Variants in ITGA1 observed in about 807,000 individuals in gnomAD.
ITGA1 encodes the protein integrin alpha-1.
In ITGA1, 85 loss-of-function variants were observed where a neutral mutation model predicts 145.9. That is an observed-to-expected ratio of 0.58 (90% CI 0.49 to 0.70). The LOEUF is 0.70. Ranked by LOEUF, ITGA1 falls within the 30% of genes least tolerant of loss-of-function variation. The pLI is 0.00. For synonymous variants in ITGA1, 520 were observed against 495.3 expected (o/e 1.05, Z -0.66); for missense variants, 1,351 against 1,418.7 (o/e 0.95, Z 0.77).
intron 11 of ITGA1, 27 bp from the exon 12 acceptor site, chr5:52,905,736 G>C: frequency 6.3e-7 from 1 of 1,595,958 alleles, no homozygotes; most frequent in Non-Finnish European, 8.6e-7. Flanking sequence ...GGTCCAGGTG[G>C]TATACCTGGA....
At chr5:52,825,261 A>T (rs1226601207) in intron 1 of ITGA1, 1 of 152,206 alleles carries the variant, frequency 6.6e-6, no homozygotes, top group African/African-American at 2.4e-5. Context: ...AGATTCATTC[A>T]TGTCATAGTA....
In ITGA1 at chr5:52,952,653, T is replaced by A. The variant is rs1001801880; in HGVS notation, c.*202T>A. 7.3e-6 allele frequency: 2 copies of A among 273,160 alleles called. No homozygotes were observed. The highest frequency in any genetic ancestry group is 4.4e-5 in the African/African-American group (2 of 45,352). 16.9% of individuals were successfully genotyped at this position (273,160 alleles called of 1,614,324 possible). A position where few individuals can be genotyped will look rare whatever the true frequency, so the allele number is the denominator to read the frequency against. ...ACATATTTTATAAAATGACAAAAAA[T>A]ATTTTACATAATTACTCATTTTTGT... On this transcript the variant is annotated 3_prime_UTR_variant, in exon 29 of 29. Transcript: ENST00000282588.
chr5:52,793,797 C>A (rs369543943), intron 1 of ITGA1, among the ~76,000 whole-genome samples: 1 of 151,962 alleles, frequency 6.6e-6, no homozygotes, highest in Non-Finnish European at 1.5e-5. Flanking sequence ...AACAGAGCTC[C>A]CTCCAAATGC....
chr5:52,831,115 A>G (rs1228153635), intron 1 of ITGA1, among the ~76,000 whole-genome samples: 1 of 150,544 alleles, frequency 6.6e-6, no homozygotes, highest in East Asian at 1.9e-4. Context: ...TCACCTGTCT[A>G]ATCAACTACA....
chr5:52,800,418 C>T (rs1187462480), intron 1 of ITGA1: 5 of 1,613,850 alleles, frequency 3.1e-6, no homozygotes, highest in Non-Finnish European at 4.2e-6. Context: ...GGAAGAACAT[C>T]GAGAAGGACA....
At chr5:52,925,851 T>A (rs943908505) in intron 19 of ITGA1, among the ~76,000 whole-genome samples, 2 of 151,988 alleles carry the variant, frequency 1.3e-5, no homozygotes, top group African/African-American at 4.8e-5. Flanking sequence ...GCAAAAAAAA[T>A]TTACCTGCAG....
At chr5:52,883,705 C>T (rs770845012) in intron 7 of ITGA1, among the ~76,000 whole-genome samples, 13 of 152,064 alleles carry the variant, frequency 8.5e-5, no homozygotes, top group Admixed American at 2.6e-4. Context: ...AATCATGAGG[C>T]CTGGATTCTC....
At position 52,910,205 on chromosome 5, in the gene ITGA1, C is replaced by G. The variant is rs778366327; in HGVS notation, c.1643C>G (p.Thr548Arg). The change falls in exon 14 of 29, where the codon ACG becomes AGG. Residue 548 changes from threonine (T) to arginine (R), a missense_variant. By Grantham distance (71) the Thr-to-Arg change is moderately conservative. Coordinates refer to ENST00000282588, the MANE Select transcript of ITGA1 (RefSeq NM_181501.2). ...ATGAGCCTGGAACCTATTAAGCAGACGTGCTGTTCATCTCGGCAGCACAAT... is the reference window on the plus strand; with the variant it reads ...ATGAGCCTGGAACCTATTAAGCAGAGGTGCTGTTCATCTCGGCAGCACAAT... ...YQMSLEPIKQ[T>R]CCSSRQHNSC... 6.2e-7 allele frequency: 1 copy of G among 1,613,468 alleles called. No homozygotes were observed. Among genetic ancestry groups the G allele is most frequent in the South Asian group, 1.1e-5 (1 of 91,080 alleles).
In ITGA1 at chr5:52,955,839, T is replaced by C. The variant is rs894952150; in HGVS notation, c.*3388T>C. 7.9e-5 allele frequency: 12 copies of C among 152,154 alleles called. No homozygotes were observed. The highest frequency in any genetic ancestry group is 1.3e-4 in the Non-Finnish European group (9 of 68,030). 9.4% of individuals were successfully genotyped at this position (152,154 alleles called of 1,614,324 possible). A position where few individuals can be genotyped will look rare whatever the true frequency, so the allele number is the denominator to read the frequency against. ...ATTTAATCTCTGAATATTTTCTGTG[T>C]CATAAGTGTGCTTGAAAAGAGGCTT... On this transcript the variant is annotated 3_prime_UTR_variant, in exon 29 of 29. Coordinates refer to ENST00000282588, the MANE Select transcript of ITGA1 (RefSeq NM_181501.2).
At chr5:52,854,227 G>C (rs575292612) in intron 2 of ITGA1, among the ~76,000 whole-genome samples, 1 of 152,252 alleles carries the variant, frequency 6.6e-6, no homozygotes, top group South Asian at 2.1e-4. Flanking sequence ...GGGCTCATGT[G>C]ATTGATGCCC....
chr5:52,871,075 G>A (rs1462670342), intron 6 of ITGA1, among the ~76,000 whole-genome samples: 1 of 152,194 alleles, frequency 6.6e-6, no homozygotes, highest in Admixed American at 6.5e-5. Context: ...ATAAAAGCCA[G>A]TCATGCATCT....
At chr5:52,797,925 C>T (rs925492611) in intron 1 of ITGA1, among the ~76,000 whole-genome samples, 2 of 152,144 alleles carry the variant, frequency 1.3e-5, no homozygotes, top group African/African-American at 4.8e-5. Context: ...CACTGTGATT[C>T]TGTGGCTTTT....
At chr5:52,809,840 G>T (rs1748657833) in intron 1 of ITGA1, among the ~76,000 whole-genome samples, 1 of 151,954 alleles carries the variant, frequency 6.6e-6, no homozygotes, top group Non-Finnish European at 1.5e-5. Context: ...TCTACAGAGT[G>T]GTCTCTGTAA....
At chr5:52,929,209 TAGA>T (rs944048685) in intron 20 of ITGA1, among the ~76,000 whole-genome samples, 15 of 152,166 alleles carry the variant, frequency 9.9e-5, no homozygotes, top group African/African-American at 3.4e-4. Context: ...TCATGCTTCA[TAGA>T]AGATGTCTTT....
At chr5:52,801,700 G>T (rs1340623009) in intron 1 of ITGA1, 7 of 1,614,054 alleles carry the variant, frequency 4.3e-6, no homozygotes, top group East Asian at 2.2e-5. Flanking sequence ...GAAAGAGAAT[G>T]CAGGCACCGT....
chr5:52,800,461 C>T, intron 1 of ITGA1: 2 of 1,614,034 alleles, frequency 1.2e-6, no homozygotes, highest in South Asian at 1.1e-5. Flanking sequence ...CCCCGAGGAG[C>T]CTGAGGACAT....
At chr5:52,811,501 G>T (rs1036402031) in intron 1 of ITGA1, among the ~76,000 whole-genome samples, 1 of 152,094 alleles carries the variant, frequency 6.6e-6, no homozygotes, top group East Asian at 1.9e-4. Context: ...GCCAGATTTG[G>T]GGTTTGGCTG....
intron 22 of ITGA1, 110 bp from the exon 23 acceptor site, chr5:52,933,784 T>A (rs1267495117): frequency 2.3e-6 from 1 of 432,082 alleles, no homozygotes; most frequent in African/African-American, 2.1e-5. Context: ...TGATTTGAAA[T>A]CCCTACAAGT....
At chr5:52,833,315 AAC>A (rs2111725358) in intron 1 of ITGA1, among the ~76,000 whole-genome samples, 1 of 152,306 alleles carries the variant, frequency 6.6e-6, no homozygotes, top group South Asian at 2.1e-4. Flanking sequence ...ACCCTTAGTA[AAC>A]TGACTGTTGT....
Sources: allele counts gnomAD v4.1 joint callset (sites outside exome capture counted in the v4.1 genomes callset), GRCh38; gene constraint gnomAD v4.1.1; transcripts MANE v1.5; gene names NCBI Gene and HGNC (gene_info 2026-07-23, HGNC 2026-07-21).